Variants in CNNM1 observed in about 807,000 individuals in gnomAD.
The protein encoded by CNNM1 is metal transporter CNNM1.
Under a neutral mutation model 78.8 loss-of-function variants are expected in CNNM1, and 44 were observed. That is an observed-to-expected ratio of 0.56 (90% confidence interval 0.44 to 0.72). The LOEUF is 0.72. Among genes scored for constraint, CNNM1 ranks in the 30% least tolerant of loss-of-function variants. CNNM1 has a pLI of 0.00. For missense variants in CNNM1, 1,101 were observed against 1,292.2 expected (o/e 0.85, Z 2.27); for synonymous variants, 584 against 581.5 (o/e 1.00, Z -0.06).
chr10:99,383,327 T>C (rs548301563), intron 7 of CNNM1, among the ~76,000 whole-genome samples: 1 of 152,228 alleles, frequency 6.6e-6, no homozygotes, highest in East Asian at 1.9e-4. Context: ...TCTACCTCAC[T>C]GAGTTCAACT....
chr10:99,368,737 C>T, intron 6 of CNNM1: 2 of 1,210,164 alleles, frequency 1.7e-6, no homozygotes, highest in Non-Finnish European at 2.2e-6. Flanking sequence ...TGCAAGAAGC[C>T]TTTGGCCTCT....
intron 2 of CNNM1, among the ~76,000 whole-genome samples, chr10:99,358,573 C>A (rs1290662250): frequency 6.6e-6 from 1 of 152,152 alleles, no homozygotes; most frequent in Non-Finnish European, 1.5e-5. Flanking sequence ...AGGCAGTGAG[C>A]AGTGCAGAAA....
In CNNM1 at chr10:99,377,062, G is replaced by T. The variant is rs1181226399; in HGVS notation, c.2184G>T (p.Arg728=). The T allele has an allele frequency of 1.3e-6, 2 of 1,560,390 alleles. No homozygotes were observed. The highest frequency in any genetic ancestry group is 1.7e-6 in the Non-Finnish European group (2 of 1,152,410). The change falls in exon 7 of 11, where the codon CGG becomes CGT. Residue 728 remains arginine, a synonymous_variant. Transcript: ENST00000356713. ...SLAGSSVFLN[R]SPSRCSGLNR... is the part of the protein sequence containing the mutation. ...ATCTCTCACCATCTGCAGTAAACCGGTCCCCTTCTCGCTGCAGTGGGTTGA... is the reference window on the plus strand; with the variant it reads ...ATCTCTCACCATCTGCAGTAAACCGTTCCCCTTCTCGCTGCAGTGGGTTGA...
chr10:99,330,486 G>A lies in CNNM1; in HGVS notation c.1099G>A (p.Ala367Thr). The change falls in exon 1 of 11, where the codon GCA becomes ACA. Residue 367 changes from alanine (A) to threonine (T), a missense_variant. By Grantham distance (58) the Ala-to-Thr change is moderately conservative. Coordinates refer to ENST00000356713, the MANE Select transcript of CNNM1 (RefSeq NM_020348.3). ...CGTGTGCCTGACCCGGCTTCTGATG[G>A]CAGCCGCCTTCCCCGTGTGCTACCC... is the stretch of plus-strand genomic sequence containing the variant. ...HSVCLTRLLM[A>T]AAFPVCYPLG... 6.3e-7 allele frequency: 1 copy of A among 1,584,432 alleles called. No homozygotes were observed. Among genetic ancestry groups the A allele is most frequent in the Non-Finnish European group, 8.6e-7 (1 of 1,166,144 alleles).
chr10:99,354,995 G>T (rs568247587), intron 1 of CNNM1, among the ~76,000 whole-genome samples: 1 of 152,218 alleles, frequency 6.6e-6, no homozygotes, highest in East Asian at 1.9e-4. Context: ...ACCATTCTTG[G>T]GTGATACAAA....
At chr10:99,377,350 G>A (rs1447615788) in intron 7 of CNNM1, 132 bp downstream of exon 7, 12 of 836,976 alleles carry the variant, frequency 1.4e-5, no homozygotes, top group Non-Finnish European at 1.9e-5. Context: ...ACAGTGCTGG[G>A]TGGTAACTGC....
In CNNM1 at chr10:99,394,322, T is replaced by G. The variant is rs966525398; in HGVS notation, c.*2806T>G. 6.6e-6 allele frequency: 1 copy of G among 152,256 alleles called. No individual in the cohort carries two copies. The highest frequency in any genetic ancestry group is 2.4e-5 in the African/African-American group (1 of 41,468). 9.4% of individuals were successfully genotyped at this position (152,256 alleles called of 1,614,324 possible). A position where few individuals can be genotyped will look rare whatever the true frequency, so the allele number is the denominator to read the frequency against. The stretch of plus-strand genomic sequence containing the variant: ...ATTTTTAAATAAAATGAAAATGCCT[T>G]TCCTGGAATGTGGCTGTTTTCCTTG... On this transcript the variant is annotated 3_prime_UTR_variant, in exon 11 of 11. Transcript: ENST00000356713.
chr10:99,331,643 G>T (rs1487336679), intron 1 of CNNM1, among the ~76,000 whole-genome samples: 1 of 152,160 alleles, frequency 6.6e-6, no homozygotes, highest in African/African-American at 2.4e-5. Flanking sequence ...GAGGCGGGAG[G>T]ATTACTCGAG....
At position 99,349,205 on chromosome 10, in the gene CNNM1, GCAGAAGTTC is replaced by G. The variant is rs921137838; in HGVS notation, c.1574-8306_1574-8298del. On this transcript the variant is annotated intron_variant, in intron 1 of 10. Coordinates refer to ENST00000356713, the MANE Select transcript of CNNM1 (RefSeq NM_020348.3). Reference sequence around the variant, plus strand: ...GATGAGCGGAAGATCAAAGACAGGAGCAGAAGTTCTTAACTGCAAGTGCCCATTAGAATC... The same window carrying G: ...GATGAGCGGAAGATCAAAGACAGGAGTTAACTGCAAGTGCCCATTAGAATC... Among the ~76,000 whole-genome samples the G allele has an allele frequency of 7.2e-5, 11 of 152,288 alleles. No homozygotes were observed. In the East Asian group the frequency reaches 1.2e-3, roughly 16 times the overall value.
At chr10:99,388,089 AC>A in intron 8 of CNNM1, 62 bp from the exon 9 acceptor site, 1 of 1,602,464 alleles carries the variant, frequency 6.2e-7, no homozygotes, top group Non-Finnish European at 8.5e-7. Flanking sequence ...CCCAGGGCTC[AC>A]ACCACCTGAG....
chr10:99,340,703 CTT>C (rs1259872886), intron 1 of CNNM1, among the ~76,000 whole-genome samples: 1 of 151,814 alleles, frequency 6.6e-6, no homozygotes, highest in Non-Finnish European at 1.5e-5. Flanking sequence ...TCTTTTCTTT[CTT>C]TCTCTCTCTT....
chr10:99,336,689 A>G (rs1305367337), intron 1 of CNNM1, among the ~76,000 whole-genome samples: 1 of 152,218 alleles, frequency 6.6e-6, no homozygotes, highest in Non-Finnish European at 1.5e-5. Context: ...AGATTTGGCC[A>G]GGCGTGGTAG....
chr10:99,331,284 T>C (rs2029898220), intron 1 of CNNM1, among the ~76,000 whole-genome samples: 1 of 152,202 alleles, frequency 6.6e-6, no homozygotes, highest in African/African-American at 2.4e-5. Context: ...TTGAAGGTCA[T>C]TGCATAGCTC....
intron 5 of CNNM1, among the ~76,000 whole-genome samples, 170 bp from the exon 6 acceptor site, chr10:99,364,785 T>G (rs1028759592): frequency 1.3e-5 from 2 of 152,184 alleles, no homozygotes; most frequent in South Asian, 4.1e-4. Flanking sequence ...GATTTCAGTA[T>G]GAAAAGACAA....
chr10:99,333,253 C>G (rs541089094), intron 1 of CNNM1, among the ~76,000 whole-genome samples: 1 of 152,300 alleles, frequency 6.6e-6, no homozygotes, highest in African/African-American at 2.4e-5. Flanking sequence ...AGTTAAGATA[C>G]AGAGCAGTTA....
Position 99,382,695 on chromosome 10 carries a change from A to T in CNNM1, c.2341-5125A>T, listed in dbSNP as rs568963499. ...GGCAGGAAGATTGCTTAAACCCAGG[A>T]GTTCAAGGTTACAGTGAGCTGTGAT... On this transcript the variant is annotated intron_variant, in intron 7 of 10. Transcript: ENST00000356713. Among the ~76,000 whole-genome samples, 13 of 152,298 alleles carry T rather than the reference A, an allele frequency of 8.5e-5. No homozygotes were observed. In the South Asian group the frequency reaches 2.7e-3, roughly 32 times the overall value.
At position 99,362,345 on chromosome 10, in the gene CNNM1, C is replaced by G. The variant is rs759710493; in HGVS notation, c.1977C>G (p.His659Gln). The G allele has an allele frequency of 6.8e-6, 11 of 1,613,912 alleles. No homozygotes were observed. The highest frequency in any genetic ancestry group is 2.2e-5 in the East Asian group (1 of 44,892). Reference protein sequence around the residue: ...FDEKNKKAPEHYLYQRNRPVD... With the variant: ...FDEKNKKAPEQYLYQRNRPVD... ...AGAAGAACAAGAAGGCCCCGGAACA[C>G]TACCTCTACCAGCGCAACCGCCCTG... Residue 659 changes from histidine (H) to glutamine (Q), a missense_variant, in exon 4 of 11, where the codon CAC becomes CAG. Around this residue, in one of 3 missense-constraint regions of CNNM1, gnomAD observed 348 missense variants for 384.5 expected, o/e 0.90. Coordinates refer to ENST00000356713, the MANE Select transcript of CNNM1 (RefSeq NM_020348.3).
At chr10:99,337,411 C>A (rs946775263) in intron 1 of CNNM1, among the ~76,000 whole-genome samples, 9 of 152,336 alleles carry the variant, frequency 5.9e-5, no homozygotes, top group African/African-American at 2.2e-4. Context: ...CACAGCTTTA[C>A]CCTCCAGCAA....
chr10:99,343,763 G>A (rs2030556809), intron 1 of CNNM1, among the ~76,000 whole-genome samples: 2 of 152,014 alleles, frequency 1.3e-5, no homozygotes, highest in South Asian at 4.2e-4. Context: ...CGCCCAGGCT[G>A]GAGTGCCTTG....
Sources: allele counts gnomAD v4.1 joint callset (sites outside exome capture counted in the v4.1 genomes callset), GRCh38; gene constraint gnomAD v4.1.1; regional missense constraint gnomAD v4.1.1; transcripts MANE v1.5; gene names NCBI Gene and HGNC (gene_info 2026-07-23, HGNC 2026-07-21).